Variants in RGPD2 observed in about 807,000 individuals in gnomAD.
RGPD2 encodes RANBP2-like and GRIP domain-containing protein 2.
Under a neutral mutation model 36.0 loss-of-function variants are expected in RGPD2, and 2 were observed. That is an observed-to-expected ratio of 0.06 (90% CI 0.02 to 0.17). RGPD2 has a LOEUF of 0.17. RGPD2 is among the 10% of genes least tolerant of loss of function. The pLI, the probability that RGPD2 is intolerant of heterozygous loss-of-function variation, is 1.00. For missense variants in RGPD2, 40 were observed against 464.3 expected (o/e 0.09, Z 8.40); for synonymous variants, 19 against 163.8 (o/e 0.12, Z 6.75).
chr2:87,892,376 T>C, the RGPD2 span, among the ~76,000 whole-genome samples: 1 of 152,006 alleles, frequency 6.6e-6, no homozygotes, highest in Non-Finnish European at 1.5e-5. Flanking sequence ...CCCTGGCAAC[T>C]GTCTGCTTGT....
At chr2:87,866,602 A>G in the RGPD2 span, among the ~76,000 whole-genome samples, 1 of 152,286 alleles carries the variant, frequency 6.6e-6, no homozygotes, top group Non-Finnish European at 1.5e-5. Context: ...CCCCACCTCT[A>G]GCCAAAGATC....
the RGPD2 span, among the ~76,000 whole-genome samples, chr2:87,867,612 C>T: frequency 6.6e-6 from 1 of 151,796 alleles, no homozygotes; most frequent in African/African-American, 2.4e-5. Context: ...ACATTAAGGT[C>T]CCAATTATGT....
the RGPD2 span, among the ~76,000 whole-genome samples, chr2:87,831,471 A>G: frequency 2.0e-5 from 3 of 152,078 alleles, no homozygotes; most frequent in African/African-American, 7.2e-5. Flanking sequence ...CAACCAAAAT[A>G]AAAACAAAGA....
At chr2:87,961,699 A>G in the RGPD2 span, among the ~76,000 whole-genome samples, 2 of 30,506 alleles carry the variant, frequency 6.6e-5, no homozygotes, top group Non-Finnish European at 1.5e-4. Context: ...GACTTCCTAA[A>G]AAAAAAAAAA....
the RGPD2 span, among the ~76,000 whole-genome samples, chr2:87,952,690 C>T: frequency 6.6e-6 from 1 of 151,988 alleles, no homozygotes; most frequent in Non-Finnish European, 1.5e-5. Context: ...AGATGTAAGG[C>T]ATTTTTCAGT....
At chr2:87,893,459 C>T in the RGPD2 span, among the ~76,000 whole-genome samples, 1 of 147,736 alleles carries the variant, frequency 6.8e-6, no homozygotes, top group African/African-American at 2.6e-5. Context: ...AATGACTTTC[C>T]TCATAAATCT....
chr2:87,830,884 T>C, the RGPD2 span, among the ~76,000 whole-genome samples: 5 of 152,254 alleles, frequency 3.3e-5, no homozygotes, highest in Admixed American at 2.0e-4. Flanking sequence ...CCATGATAAA[T>C]GGGGATTATG....
At chr2:87,932,929 TG>T in the RGPD2 span, among the ~76,000 whole-genome samples, 1 of 139,194 alleles carries the variant, frequency 7.2e-6, no homozygotes, top group Admixed American at 7.2e-5. Context: ...TTATGTGTCT[TG>T]GTGATGATCT....
chr2:87,910,729 G>C, the RGPD2 span, among the ~76,000 whole-genome samples: 1 of 151,272 alleles, frequency 6.6e-6, no homozygotes, highest in Admixed American at 6.6e-5. Context: ...ATAACTATTT[G>C]AATAGCATTT....
At chr2:87,979,194 A>G in the RGPD2 span, among the ~76,000 whole-genome samples, 8 of 150,314 alleles carry the variant, frequency 5.3e-5, no homozygotes, top group Non-Finnish European at 1.0e-4. Flanking sequence ...AGATCGTGCC[A>G]CTGCACTCCA....
At chr2:87,759,319 T>A (rs1464221394) in intron 22 of RGPD2, among the ~76,000 whole-genome samples, 3 of 37,192 alleles carry the variant, frequency 8.1e-5, no homozygotes, top group Admixed American at 3.4e-4. Flanking sequence ...CCAGCAGACC[T>A]GAATTATTAT....
the RGPD2 span, among the ~76,000 whole-genome samples, chr2:87,910,463 G>A: frequency 6.6e-6 from 1 of 152,264 alleles, no homozygotes; most frequent in East Asian, 1.9e-4. Context: ...TTTCTAAGTA[G>A]AAATAGACGG....
At chr2:87,964,682 G>C in the RGPD2 span, among the ~76,000 whole-genome samples, 1 of 149,718 alleles carries the variant, frequency 6.7e-6, no homozygotes, top group East Asian at 2.0e-4. Context: ...ATGACTGAAT[G>C]AAGTTAAATA....
the RGPD2 span, among the ~76,000 whole-genome samples, chr2:87,877,141 C>T: frequency 6.6e-6 from 1 of 151,986 alleles, no homozygotes; most frequent in Non-Finnish European, 1.5e-5. Context: ...ACCAATGGGT[C>T]TTGACTCTTT....
the RGPD2 span, among the ~76,000 whole-genome samples, chr2:87,940,181 C>T: frequency 1.3e-5 from 2 of 151,910 alleles, no homozygotes. Context: ...TATAATTTCT[C>T]TCTGAACCAA....
chr2:87,966,682 C>A, the RGPD2 span, among the ~76,000 whole-genome samples: 96 of 152,018 alleles, frequency 6.3e-4, no homozygotes, highest in Non-Finnish European at 9.9e-4. Context: ...AATCGCAGCA[C>A]TTCGGAGGCC....
At chr2:87,986,874 G>C in the RGPD2 span, among the ~76,000 whole-genome samples, 1 of 76,672 alleles carries the variant, frequency 1.3e-5, no homozygotes, top group Non-Finnish European at 2.8e-5. Context: ...CAGCGAAACT[G>C]TCTCAAAAAA....
the RGPD2 span, among the ~76,000 whole-genome samples, chr2:87,966,713 G>C: frequency 6.7e-6 from 1 of 149,512 alleles, no homozygotes; most frequent in African/African-American, 2.4e-5. Context: ...GATCGCTTCA[G>C]GTCAGGAGTT....
At chr2:87,957,670 T>G in the RGPD2 span, among the ~76,000 whole-genome samples, 1 of 152,260 alleles carries the variant, frequency 6.6e-6, no homozygotes, top group African/African-American at 2.4e-5. Context: ...GGATATTGGA[T>G]TTTAACATAT....
Sources: gnomAD v4.1 joint callset for allele counts (sites outside exome capture counted in the v4.1 genomes callset) on GRCh38, gnomAD v4.1.1 for gene constraint, MANE v1.5 for transcripts, NCBI Gene and HGNC (gene_info 2026-07-23, HGNC 2026-07-21) for gene names.